The following FREM3 variants were observed in gnomAD, a reference collection of about 807,000 sequenced individuals.
FREM3 encodes FRAS1-related extracellular matrix protein 3.
A neutral mutation model predicts 129.1 loss-of-function variants in FREM3; 105 were observed. The ratio of observed to expected loss-of-function variants is 0.81; its 90% CI spans 0.69 to 0.96. The LOEUF (loss-of-function observed/expected upper bound fraction) is 0.96, where lower values mean the gene tolerates loss of function less well. Ranked by LOEUF, FREM3 falls within the 40% of genes least tolerant of loss-of-function variation. The probability of loss-of-function intolerance (pLI) is 0.00; values close to 1 mark genes in which losing one functional copy is unlikely to be tolerated. For synonymous variants in FREM3, 1,014 were observed against 1,044.9 expected, an observed-to-expected ratio of 0.97 and a Z score of 0.57; for missense variants, 2,593 against 2,666.3, an observed-to-expected ratio of 0.97 and a Z score of 0.61.
At chr4:143,651,502 C>T (rs988145760) in intron 2 of FREM3, among the ~76,000 whole-genome samples, 14 of 152,334 alleles carry the variant, frequency 9.2e-5, no homozygotes, top group Non-Finnish European at 1.9e-4. Context: ...TGGAAATGCA[C>T]ACACGGAACA....
intron 2 of FREM3, among the ~76,000 whole-genome samples, chr4:143,639,040 A>G (rs1739278069): frequency 6.6e-6 from 1 of 152,092 alleles, no homozygotes; most frequent in African/African-American, 2.4e-5. Context: ...TTTTTGTGCT[A>G]TGTAAGGATC....
At chr4:143,588,248 T>A (rs969343561) in intron 6 of FREM3, among the ~76,000 whole-genome samples, 1 of 152,172 alleles carries the variant, frequency 6.6e-6, no homozygotes, top group Non-Finnish European at 1.5e-5. Flanking sequence ...TGTGTTTTTT[T>A]TATTATTATT....
At position 143,692,426 on chromosome 4, in the gene FREM3, CT is replaced by C. The variant is rs557237576; in HGVS notation, c.5275+686del. Among the ~76,000 whole-genome samples the C allele has an allele frequency of 9.2e-5, 14 of 152,252 alleles. No homozygotes were observed. In the East Asian group the frequency reaches 2.7e-3, roughly 29 times the overall value. ...TAATGATTTGTATTGAAAGAGGTTACTGAGTGGCAAGCAGCACACAGAGATA... is the reference window on the plus strand; with the variant it reads ...TAATGATTTGTATTGAAAGAGGTTACGAGTGGCAAGCAGCACACAGAGATA... On this transcript the variant is annotated intron_variant, in intron 2 of 7. Coordinates refer to ENST00000329798, the MANE Select transcript of FREM3 (RefSeq NM_001168235.2).
rs779736430 is a variant in FREM3 at position 143,577,503 on chromosome 4, CA to C, written c.*107del. The C allele has an allele frequency of 8.5e-5, 86 of 1,008,770 alleles. No homozygotes were observed. Among genetic ancestry groups the C allele is most frequent in the Non-Finnish European group, 1.2e-4 (83 of 704,780 alleles). The allele number at this position is 1,008,770 out of a possible 1,614,324, so 62.5% of individuals were successfully genotyped here. A position where few individuals can be genotyped will look rare whatever the true frequency, so the allele number is the denominator to read the frequency against. On this transcript the variant is annotated 3_prime_UTR_variant, in exon 8 of 8. Transcript: ENST00000329798. ...TATCACCAGAATATAACACCAATGA[CA>C]GTACAATATCACTGATATCCCAGAA...
intron 2 of FREM3, among the ~76,000 whole-genome samples, chr4:143,652,480 A>T (rs1022781094): frequency 6.6e-6 from 1 of 152,178 alleles, no homozygotes; most frequent in Non-Finnish European, 1.5e-5. Context: ...TTTCTTAAAA[A>T]AAGAGTAATA....
intron 4 of FREM3, 64 bp from the exon 5 acceptor site, chr4:143,621,226 C>T: frequency 2.1e-6 from 3 of 1,442,894 alleles, no homozygotes; most frequent in Non-Finnish European, 2.8e-6. Flanking sequence ...TTTAAACACA[C>T]CTGAGCAGAA....
intron 2 of FREM3, among the ~76,000 whole-genome samples, chr4:143,642,625 A>G (rs570133969): frequency 6.6e-6 from 1 of 152,202 alleles, no homozygotes; most frequent in Non-Finnish European, 1.5e-5. Context: ...CATCATGTAC[A>G]AAAATCAACT....
intron 6 of FREM3, among the ~76,000 whole-genome samples, chr4:143,599,061 A>G (rs1387415040): frequency 2.0e-5 from 3 of 152,210 alleles, no homozygotes; most frequent in Non-Finnish European, 4.4e-5. Context: ...TCTCATAAAG[A>G]GAATGTTAGT....
At chr4:143,676,963 C>G (rs555594019) in intron 2 of FREM3, among the ~76,000 whole-genome samples, 1 of 152,292 alleles carries the variant, frequency 6.6e-6, no homozygotes, top group Non-Finnish European at 1.5e-5. Context: ...AATGGCCATA[C>G]TACCCAAGGT....
Position 143,699,088 on chromosome 4 carries a change from A to G in FREM3, c.1588T>C (p.Phe530Leu), listed in dbSNP as rs897586274. The part of the protein sequence containing the change: ...RMEDGHHQVD[F>L]LFPLTILPVD... ...GGTAGGATGGTGAGGGGAAAGAGGA[A>G]GTCCACTTGGTGGTGCCCGTCCTCC... Residue 530 changes from phenylalanine (F) to leucine (L), a missense_variant, in exon 1 of 8, where the codon TTC (phenylalanine) becomes CTC (leucine). Coordinates refer to ENST00000329798, the MANE Select transcript of FREM3 (RefSeq NM_001168235.2). The surrounding 1 kb of genome is among the most constrained non-coding windows in gnomAD (Gnocchi z 4.2). 2.0e-6 allele frequency: 3 copies of G among 1,537,390 alleles called. No homozygotes were observed. The African/African-American group carries it at 4.1e-5, about 21-fold the overall frequency.
intron 2 of FREM3, among the ~76,000 whole-genome samples, chr4:143,678,341 T>G (rs1740185585): frequency 6.6e-6 from 1 of 151,362 alleles, no homozygotes; most frequent in African/African-American, 2.4e-5. Flanking sequence ...AATTGAACAA[T>G]GAGAACACTT....
In FREM3 at chr4:143,591,435, T is replaced by C. The variant is rs1300784262; in HGVS notation, c.6029-5442A>G. ...AATGTGTCCCAGAGATTCTGCTATG[T>C]TGTGTCTTTGTTCTCATTGGTTTCA... On this transcript the variant is annotated intron_variant, in intron 6 of 7. Transcript: ENST00000329798. Among the ~76,000 whole-genome samples the C allele has an allele frequency of 2.0e-5, 3 of 152,228 alleles. No individual in the cohort carries two copies. In the East Asian group the frequency reaches 5.8e-4, roughly 29 times the overall value.
intron 2 of FREM3, among the ~76,000 whole-genome samples, chr4:143,633,687 A>G (rs781081158): frequency 4.6e-5 from 7 of 152,200 alleles, no homozygotes; most frequent in Admixed American, 1.3e-4. Flanking sequence ...TTTAATGGAC[A>G]TGTAGGAGAA....
chr4:143,627,828 G>T, intron 2 of FREM3, 68 bp from the exon 3 acceptor site: 1 of 1,041,428 alleles, frequency 9.6e-7, no homozygotes, highest in Non-Finnish European at 1.4e-6. Flanking sequence ...TGATCAATGT[G>T]TGCATTTTAC....
intron 6 of FREM3, among the ~76,000 whole-genome samples, chr4:143,587,392 A>C (rs1738260876): frequency 6.6e-6 from 1 of 152,216 alleles, no homozygotes; most frequent in Non-Finnish European, 1.5e-5. Flanking sequence ...CACCTCAGGC[A>C]TACAGCAGGC....
At chr4:143,639,324 C>T (rs1370645750) in intron 2 of FREM3, among the ~76,000 whole-genome samples, 1 of 152,106 alleles carries the variant, frequency 6.6e-6, no homozygotes, top group Non-Finnish European at 1.5e-5. Context: ...GCAGTGTCAG[C>T]ATGTCGTGGG....
At chr4:143,688,364 G>T (rs992802744) in intron 2 of FREM3, among the ~76,000 whole-genome samples, 1 of 152,164 alleles carries the variant, frequency 6.6e-6, no homozygotes, top group Non-Finnish European at 1.5e-5. Flanking sequence ...ACTACTGAAA[G>T]AAATCATAGA....
At chr4:143,638,800 C>T (rs1739275104) in intron 2 of FREM3, among the ~76,000 whole-genome samples, 1 of 152,116 alleles carries the variant, frequency 6.6e-6, no homozygotes, top group South Asian at 2.1e-4. Flanking sequence ...AGTATTGTGA[C>T]TCTGCGTAGT....
intron 2 of FREM3, among the ~76,000 whole-genome samples, chr4:143,654,416 T>C (rs967336406): frequency 6.6e-6 from 1 of 152,244 alleles, no homozygotes; most frequent in Non-Finnish European, 1.5e-5. Context: ...AACTAAGGAA[T>C]CTTTCTGTCT....
Sources: gnomAD v4.1 joint callset for allele counts (sites outside exome capture counted in the v4.1 genomes callset) on GRCh38, gnomAD v4.1.1 for gene constraint, Gnocchi (gnomAD v3.1) non-coding constraint, MANE v1.5 for transcripts, NCBI Gene and HGNC (gene_info 2026-07-23, HGNC 2026-07-21) for gene names.